The following LRBA variants were observed in gnomAD, a reference collection of about 807,000 sequenced individuals.
LRBA encodes lipopolysaccharide-responsive and beige-like anchor protein.
A neutral mutation model predicts 330.0 loss-of-function variants in LRBA; 176 were observed. The observed-to-expected ratio is 0.53, with a 90% confidence interval of 0.47 to 0.60. The LOEUF (loss-of-function observed/expected upper bound fraction) is 0.60, where lower values mean the gene tolerates loss of function less well. Among genes scored for constraint, LRBA ranks in the 20% least tolerant of loss-of-function variants. The pLI is 0.00. For missense variants in LRBA, 3,259 were observed against 3,444.8 expected (o/e 0.95, Z 1.35); for synonymous variants, 1,230 against 1,193.0 (o/e 1.03, Z -0.64).
chr4:150,769,192 G>T (rs924480642), intron 34 of LRBA, among the ~76,000 whole-genome samples: 3 of 151,828 alleles, frequency 2.0e-5, no homozygotes, highest in African/African-American at 7.3e-5. Context: ...TAATCCACCC[G>T]CCTCGGCTTC....
intron 40 of LRBA, among the ~76,000 whole-genome samples, chr4:150,562,678 C>T (rs1447065697): frequency 6.6e-6 from 1 of 152,138 alleles, no homozygotes; most frequent in Non-Finnish European, 1.5e-5. Context: ...AATTTATCTG[C>T]ATTCAAGACA....
intron 38 of LRBA, among the ~76,000 whole-genome samples, chr4:150,591,152 C>T (rs1772778044): frequency 6.6e-6 from 1 of 152,098 alleles, no homozygotes; most frequent in Admixed American, 6.5e-5. Flanking sequence ...GGTTCAAAAG[C>T]AGTACTTTTA....
chr4:150,533,063 ATCTT>A (rs1384692845), intron 40 of LRBA, among the ~76,000 whole-genome samples: 2 of 152,222 alleles, frequency 1.3e-5, no homozygotes, highest in Non-Finnish European at 2.9e-5. Context: ...ATTGTCTATT[ATCTT>A]TCTACCATCC....
chr4:150,725,095 T>C (rs1192489296), intron 36 of LRBA, among the ~76,000 whole-genome samples: 5 of 151,630 alleles, frequency 3.3e-5, no homozygotes, highest in African/African-American at 7.3e-5. Context: ...AAATGAAGCA[T>C]GCCTACAAAA....
At chr4:150,632,574 T>C (rs1237862565) in intron 37 of LRBA, among the ~76,000 whole-genome samples, 5 of 152,178 alleles carry the variant, frequency 3.3e-5, no homozygotes, top group Non-Finnish European at 5.9e-5. Flanking sequence ...TTAGGCTTGG[T>C]GCTCCCAAAA....
intron 2 of LRBA, among the ~76,000 whole-genome samples, chr4:151,000,050 ATAAC>A (rs1561113456): frequency 1.3e-5 from 2 of 152,212 alleles, no homozygotes; most frequent in Non-Finnish European, 2.9e-5. Context: ...ATTAACAACA[ATAAC>A]TAGTAATAAA....
intron 38 of LRBA, among the ~76,000 whole-genome samples, chr4:150,595,800 A>G (rs1773421071): frequency 6.6e-6 from 1 of 152,040 alleles, no homozygotes; most frequent in Admixed American, 6.5e-5. Flanking sequence ...TGTAAAGAAT[A>G]AAGTTAGACT....
intron 40 of LRBA, among the ~76,000 whole-genome samples, chr4:150,571,649 G>GTTTTTTTT (rs58652637): frequency 1.9e-4 from 14 of 74,574 alleles, no homozygotes; most frequent in South Asian, 7.0e-4. Flanking sequence ...CTGGTTAGTT[G>GTTTTTTTT]TTTTTTTTTT....
chr4:150,817,693 GT>G (rs1189437507), intron 30 of LRBA, among the ~76,000 whole-genome samples: 1 of 150,384 alleles, frequency 6.6e-6, no homozygotes, highest in East Asian at 1.9e-4. Context: ...ATACAACCCA[GT>G]TTTTCATTTT....
chr4:150,697,281 A>G (rs529632871), intron 36 of LRBA, among the ~76,000 whole-genome samples: 8 of 131,602 alleles, frequency 6.1e-5, no homozygotes, highest in Admixed American at 9.1e-5. Context: ...CCAAGATCAC[A>G]CCACTGCACA....
intron 40 of LRBA, among the ~76,000 whole-genome samples, chr4:150,517,172 A>C (rs1762439550): frequency 6.6e-6 from 1 of 152,180 alleles, no homozygotes; most frequent in African/African-American, 2.4e-5. Flanking sequence ...AACATACATA[A>C]GTTTATATGA....
chr4:150,398,570 A>C (rs2151922524), intron 47 of LRBA, among the ~76,000 whole-genome samples: 1 of 152,276 alleles, frequency 6.6e-6, no homozygotes, highest in Non-Finnish European at 1.5e-5. Flanking sequence ...ATTAAGAGGC[A>C]TTCATGAAGG....
chr4:150,396,480 T>TCACTCACACA (rs1554016742), intron 47 of LRBA, among the ~76,000 whole-genome samples: 2 of 145,774 alleles, frequency 1.4e-5, no homozygotes, highest in African/African-American at 5.1e-5. Flanking sequence ...AAATCTCATC[T>TCACTCACACA]CACACACACA....
At chr4:150,811,361 A>G (rs1406619776) in intron 31 of LRBA, among the ~76,000 whole-genome samples, 1 of 152,014 alleles carries the variant, frequency 6.6e-6, no homozygotes, top group Non-Finnish European at 1.5e-5. Flanking sequence ...ATAAGGACCC[A>G]TTTACTTAAA....
intron 53 of LRBA, among the ~76,000 whole-genome samples, chr4:150,289,767 CCTA>C (rs1748609764): frequency 6.6e-6 from 1 of 152,114 alleles, no homozygotes; most frequent in Non-Finnish European, 1.5e-5. Flanking sequence ...AAAATAAATA[CCTA>C]CTACTTGATT....
intron 28 of LRBA, among the ~76,000 whole-genome samples, chr4:150,843,813 A>G (rs1171673953): frequency 6.6e-6 from 1 of 152,220 alleles, no homozygotes; most frequent in Non-Finnish European, 1.5e-5. Context: ...GTACAGCTCA[A>G]TAAGTTGTTG....
chr4:150,573,587 T>TGC (rs1770150791), intron 40 of LRBA, among the ~76,000 whole-genome samples: 1 of 152,194 alleles, frequency 6.6e-6, no homozygotes, highest in Admixed American at 6.5e-5. Flanking sequence ...ATATGCTATC[T>TGC]TTTCTTGCCT....
intron 47 of LRBA, among the ~76,000 whole-genome samples, chr4:150,368,821 C>T (rs980779112): frequency 6.6e-6 from 1 of 152,198 alleles, no homozygotes; most frequent in Non-Finnish European, 1.5e-5. Flanking sequence ...GACATTACTG[C>T]ATTATCTAAT....
intron 37 of LRBA, among the ~76,000 whole-genome samples, chr4:150,662,981 C>CAA (rs1157482275): frequency 1.3e-5 from 2 of 149,258 alleles, no homozygotes; most frequent in African/African-American, 2.5e-5. Flanking sequence ...AACAAACAAA[C>CAA]AAAAAAAAAC....
Sources: gnomAD v4.1 joint callset for allele counts (sites outside exome capture counted in the v4.1 genomes callset) on GRCh38, gnomAD v4.1.1 for gene constraint, MANE v1.5 for transcripts, NCBI Gene and HGNC (gene_info 2026-07-23, HGNC 2026-07-21) for gene names.